The following TMX3 variants were observed in gnomAD, a reference collection of about 807,000 sequenced individuals.
The protein encoded by TMX3 is thioredoxin related transmembrane protein 3.
TMX3 carries 40 observed loss-of-function variants against 64.4 expected under a neutral mutation model. The ratio of observed to expected loss-of-function variants is 0.62; its 90% CI spans 0.48 to 0.81. TMX3 has a LOEUF of 0.81. Among genes scored for constraint, TMX3 ranks in the 30% least tolerant of loss-of-function variants. TMX3 has a pLI of 0.00. For missense variants in TMX3, 497 were observed against 534.5 expected (o/e 0.93, Z 0.69); for synonymous variants, 189 against 175.7 (o/e 1.08, Z -0.60).
chr18:68,704,376 C>T (rs1369570526), intron 4 of TMX3, among the ~76,000 whole-genome samples: 4 of 151,560 alleles, frequency 2.6e-5, no homozygotes, highest in African/African-American at 9.7e-5. Flanking sequence ...TAGGAAGATT[C>T]GGTAACTCGT....
At chr18:68,678,228 G>T (rs1913107328) in intron 15 of TMX3, among the ~76,000 whole-genome samples, 1 of 152,050 alleles carries the variant, frequency 6.6e-6, no homozygotes, top group Non-Finnish European at 1.5e-5. Context: ...AAGAGTCCCA[G>T]AATTTACTTC....
chr18:68,687,910 ACAAT>A (rs1914119120), intron 9 of TMX3, 145 bp from the exon 10 acceptor site: 3 of 490,970 alleles, frequency 6.1e-6, no homozygotes, highest in African/African-American at 5.4e-5. Context: ...TTGCAAGCAT[ACAAT>A]CAAATGTACA....
At chr18:68,708,711 G>A (rs2030971702) in intron 4 of TMX3, among the ~76,000 whole-genome samples, 1 of 152,098 alleles carries the variant, frequency 6.6e-6, no homozygotes, top group Admixed American at 6.5e-5. Flanking sequence ...ACAAAAATGT[G>A]TATTACCTCA....
intron 10 of TMX3, among the ~76,000 whole-genome samples, chr18:68,684,944 G>A (rs167443): frequency 0.13 from 20,217 of 152,146 alleles, 4,028 homozygotes; most frequent in African/African-American, 0.43. Flanking sequence ...TTACATGGCC[G>A]TTGACTTTGG....
intron 15 of TMX3, among the ~76,000 whole-genome samples, chr18:68,677,477 A>G (rs889438596): frequency 6.6e-6 from 1 of 152,128 alleles, no homozygotes; most frequent in Admixed American, 6.6e-5. Flanking sequence ...ATTTTTCTAC[A>G]TTAACCACAA....
intron 2 of TMX3, among the ~76,000 whole-genome samples, chr18:68,713,274 A>G (rs567296066): frequency 6.6e-6 from 1 of 152,314 alleles, no homozygotes; most frequent in Non-Finnish European, 1.5e-5. Flanking sequence ...GGAGGCTGCT[A>G]AACAGAGACC....
chr18:68,700,666 A>G (rs1358516118), intron 5 of TMX3, 181 bp from the exon 6 acceptor site: 2 of 911,082 alleles, frequency 2.2e-6, no homozygotes, highest in Admixed American at 1.2e-4. Context: ...CCAGTAACAC[A>G]AAAGAAAAGA....
At chr18:68,714,802 G>A in intron 1 of TMX3, 134 bp downstream of exon 1, 1 of 1,248,884 alleles carries the variant, frequency 8.0e-7, no homozygotes, top group Non-Finnish European at 1.1e-6. Flanking sequence ...GGGGGCGGCA[G>A]GACGCTGCCG....
chr18:68,679,198 A>G (rs550711842), intron 15 of TMX3, among the ~76,000 whole-genome samples: 2 of 152,306 alleles, frequency 1.3e-5, no homozygotes, highest in East Asian at 1.9e-4. Flanking sequence ...AAAACTTTAC[A>G]TGGCAGGTTG....
At chr18:68,684,743 A>G (rs879278951) in intron 10 of TMX3, among the ~76,000 whole-genome samples, 32 of 152,210 alleles carry the variant, frequency 2.1e-4, no homozygotes, top group Admixed American at 2.1e-3. Flanking sequence ...GTAATAATTT[A>G]TACACTTAAA....
chr18:68,684,292 A>T, intron 11 of TMX3, 49 bp from the exon 12 acceptor site: 1 of 1,528,484 alleles, frequency 6.5e-7, no homozygotes, highest in Non-Finnish European at 9.0e-7. Flanking sequence ...CTTGAAAAAC[A>T]TAATTTTTCA....
chr18:68,692,342 G>T (rs1040718531), intron 8 of TMX3, among the ~76,000 whole-genome samples: 6 of 152,068 alleles, frequency 3.9e-5, no homozygotes, highest in African/African-American at 1.5e-4. Context: ...AAATCTTGCA[G>T]CCATCTAGTC....
chr18:68,706,419 T>C (rs1005546677), intron 4 of TMX3: 1 of 151,278 alleles, frequency 6.6e-6, no homozygotes, highest in Non-Finnish European at 1.5e-5. Flanking sequence ...CTCAAAAAAA[T>C]AAAGAAATAA....
intron 8 of TMX3, among the ~76,000 whole-genome samples, chr18:68,694,027 A>G (rs1418248204): frequency 6.6e-6 from 1 of 152,110 alleles, no homozygotes; most frequent in African/African-American, 2.4e-5. Flanking sequence ...CCTAAGAGCT[A>G]TTCTGTTGCT....
chr18:68,713,181 T>G (rs1017182659), intron 2 of TMX3, among the ~76,000 whole-genome samples: 1 of 151,562 alleles, frequency 6.6e-6, no homozygotes, highest in Admixed American at 6.6e-5. Context: ...AGGACTAGAG[T>G]AGAAAAGTGC....
chr18:68,700,563 T>C (rs1599329181), intron 5 of TMX3, 78 bp from the exon 6 acceptor site: 1 of 1,142,728 alleles, frequency 8.8e-7, no homozygotes. Context: ...ATCTATTGTT[T>C]CATAAAATTA....
chr18:68,714,833 C>A, intron 1 of TMX3, 103 bp downstream of exon 1: 1 of 1,466,644 alleles, frequency 6.8e-7, no homozygotes, highest in Non-Finnish European at 9.1e-7. Flanking sequence ...GGCATCTCCA[C>A]GAACCCCGCA....
chr18:68,678,784 G>C (rs761369116), intron 15 of TMX3, among the ~76,000 whole-genome samples: 7 of 152,050 alleles, frequency 4.6e-5, no homozygotes, highest in Non-Finnish European at 1.0e-4. Context: ...TACCACTGTT[G>C]ATATTCTACT....
chr18:68,708,259 G>A (rs942730359), intron 4 of TMX3, among the ~76,000 whole-genome samples: 2 of 151,812 alleles, frequency 1.3e-5, no homozygotes, highest in African/African-American at 4.8e-5. Flanking sequence ...AAATTTCAAC[G>A]TTTCATTTGG....
Sources: gnomAD v4.1 joint callset for allele counts (sites outside exome capture counted in the v4.1 genomes callset) on GRCh38, gnomAD v4.1.1 for gene constraint, MANE v1.5 for transcripts, NCBI Gene and HGNC (gene_info 2026-07-23, HGNC 2026-07-21) for gene names.